Variants in GLI3 observed in about 807,000 individuals in gnomAD.
GLI3 encodes GLI family zinc finger 3.
A neutral mutation model predicts 100.8 loss-of-function variants in GLI3; 20 were observed. That is an observed-to-expected ratio of 0.20 (90% CI 0.14 to 0.29). The LOEUF is 0.29. Ranked by LOEUF, GLI3 falls within the 10% of genes least tolerant of loss-of-function variation. The pLI is 1.00. For missense variants in GLI3, 2,040 were observed against 2,128.5 expected (o/e 0.96, Z 0.82); for synonymous variants, 938 against 860.5 (o/e 1.09, Z -1.58).
intron 10 of GLI3, among the ~76,000 whole-genome samples, chr7:42,000,131 A>T (rs1788245188): frequency 6.6e-6 from 1 of 152,208 alleles, no homozygotes; most frequent in Admixed American, 6.5e-5. Flanking sequence ...GGAACTTTCT[A>T]TCTTAGAAGG....
chr7:42,104,795 C>T (rs892130589), intron 3 of GLI3, among the ~76,000 whole-genome samples: 4 of 152,000 alleles, frequency 2.6e-5, no homozygotes, highest in Non-Finnish European at 4.4e-5. Context: ...TAAAGAGGCC[C>T]CAGAGAACCT....
At chr7:41,984,573 C>T (rs1453292772) in intron 10 of GLI3, among the ~76,000 whole-genome samples, 3 of 152,226 alleles carry the variant, frequency 2.0e-5, no homozygotes, top group South Asian at 2.1e-4. Flanking sequence ...CATAGATACA[C>T]ACCTGGCTGC....
rs377186629 is a variant in GLI3 at position 41,964,555 on chromosome 7, G to A, written c.4518C>T (p.Phe1506=). The change falls in exon 15 of 15, where the codon TTC becomes TTT. Residue 1506 remains phenylalanine, a synonymous_variant. Coordinates refer to ENST00000395925, the MANE Select transcript of GLI3 (RefSeq NM_000168.6). ...GGTCCCCATCGTCTATGATGGCATCGAAGTCAATCTGTACCCCTTCCAGGT... is the reference window on the plus strand; with the variant it reads ...GGTCCCCATCGTCTATGATGGCATCAAAGTCAATCTGTACCCCTTCCAGGT... ...SHDLEGVQID[F]DAIIDDGDHS... 3.7e-6 allele frequency: 6 copies of A among 1,613,700 alleles called. No homozygotes were observed. The highest frequency in any genetic ancestry group is 2.2e-5 in the East Asian group (1 of 44,882).
At chr7:42,038,582 T>A (rs767369444) in intron 7 of GLI3, among the ~76,000 whole-genome samples, 1 of 152,204 alleles carries the variant, frequency 6.6e-6, no homozygotes, top group Non-Finnish European at 1.5e-5. Flanking sequence ...ATCTGGAAAG[T>A]GCCCCAGGAC....
intron 2 of GLI3, among the ~76,000 whole-genome samples, chr7:42,157,466 A>G (rs935946406): frequency 1.3e-5 from 2 of 152,176 alleles, no homozygotes; most frequent in African/African-American, 4.8e-5. Context: ...CTCCTTCCTC[A>G]CACCACAGCC....
chr7:42,031,020 T>C (rs1789279458), intron 7 of GLI3, among the ~76,000 whole-genome samples: 2 of 133,352 alleles, frequency 1.5e-5, no homozygotes, highest in African/African-American at 6.0e-5. Context: ...CACCCAGGCA[T>C]AGTTGAAATT....
In GLI3 at chr7:41,968,754, AAGAAAGAAGGAAAG is replaced by A. The variant is rs1562662071; in HGVS notation, c.2104-845_2104-832del. On this transcript the variant is annotated intron_variant, in intron 13 of 14. Transcript: ENST00000395925. The stretch of plus-strand genomic sequence containing the variant: ...AAAGAAAGAAAGAAAGAAAGAAAGA[AAGAAAGAAGGAAAG>A]AAAGAAAGAAAGAAAGAAAGAAAGA... Among the ~76,000 whole-genome samples, 796 of 130,660 alleles carry A rather than the reference AAGAAAGAAGGAAAG, an allele frequency of 6.1e-3. 11 individuals are homozygous for A. Among genetic ancestry groups the A allele is most frequent in the African/African-American group, 0.023 (736 of 31,588 alleles). The allele number at this position is 130,660 out of a possible 152,430, so 85.7% of individuals were successfully genotyped here. A position where few individuals can be genotyped will look rare whatever the true frequency, so the allele number is the denominator to read the frequency against.
intron 3 of GLI3, among the ~76,000 whole-genome samples, chr7:42,114,283 G>C (rs1427822084): frequency 6.6e-6 from 1 of 152,092 alleles, no homozygotes; most frequent in African/African-American, 2.4e-5. Flanking sequence ...AGACTTATTG[G>C]GTTTTATCTT....
At chr7:42,134,802 G>A (rs1786386512) in intron 3 of GLI3, among the ~76,000 whole-genome samples, 2 of 152,048 alleles carry the variant, frequency 1.3e-5, no homozygotes, top group Non-Finnish European at 2.9e-5. Flanking sequence ...TAAAATTCAG[G>A]GGAGCATTTC....
intron 10 of GLI3, among the ~76,000 whole-genome samples, chr7:42,009,259 T>C (rs1308648779): frequency 6.6e-6 from 1 of 152,182 alleles, no homozygotes. Context: ...TGAAAGAAAA[T>C]ATCAGCCCGG....
intron 3 of GLI3, among the ~76,000 whole-genome samples, chr7:42,077,110 C>T (rs1459341965): frequency 6.6e-6 from 1 of 152,086 alleles, no homozygotes; most frequent in Non-Finnish European, 1.5e-5. Context: ...GACACGAAAG[C>T]AAGAAAGAGA....
chr7:41,980,971 G>A (rs144014681), intron 10 of GLI3, among the ~76,000 whole-genome samples: 69 of 152,328 alleles, frequency 4.5e-4, no homozygotes, highest in Middle Eastern at 3.4e-3. Context: ...ATAAAAACAT[G>A]TAATGGGATC....
At chr7:42,066,817 G>A (rs7799496) in intron 4 of GLI3, among the ~76,000 whole-genome samples, 2 of 152,066 alleles carry the variant, frequency 1.3e-5, no homozygotes, top group Non-Finnish European at 2.9e-5. Flanking sequence ...CAATGACTAC[G>A]TGTATCACTG....
At chr7:42,043,167 G>A (rs1784178505) in intron 6 of GLI3, among the ~76,000 whole-genome samples, 1 of 152,132 alleles carries the variant, frequency 6.6e-6, no homozygotes, top group Non-Finnish European at 1.5e-5. Flanking sequence ...AAAAATTTAG[G>A]ATTAATGTTT....
In GLI3 at chr7:42,112,620, T is replaced by G. The variant is rs866683654; in HGVS notation, c.367+35606A>C. Among the ~76,000 whole-genome samples, 5 of 152,074 alleles carry G rather than the reference T, an allele frequency of 3.3e-5. 1 individual carries two copies. The highest frequency in any genetic ancestry group is 4.8e-5 in the African/African-American group (2 of 41,376). ...ATATGCCCATTATTTCCCATAACAA[T>G]TAACATTAAAATTTTTTAAATTAAA... On this transcript the variant is annotated intron_variant, in intron 3 of 14. Transcript: ENST00000395925.
intron 4 of GLI3, among the ~76,000 whole-genome samples, chr7:42,055,994 C>A (rs1482297897): frequency 6.6e-6 from 1 of 152,086 alleles, no homozygotes; most frequent in Non-Finnish European, 1.5e-5. Context: ...GAATGGGTCT[C>A]ATGAGATCTG....
chr7:42,013,061 T>G (rs1256373676), intron 10 of GLI3, among the ~76,000 whole-genome samples: 1 of 152,234 alleles, frequency 6.6e-6, no homozygotes, highest in Non-Finnish European at 1.5e-5. Context: ...GAGACATGGT[T>G]GACCGGAGAG....
At chr7:42,132,074 A>ATTATTTATTTATTTATTTATTTAT (rs57779364) in intron 3 of GLI3, among the ~76,000 whole-genome samples, 1 of 150,978 alleles carries the variant, frequency 6.6e-6, no homozygotes, top group Admixed American at 6.6e-5. Flanking sequence ...TCAGGACTTC[A>ATTATTTATTTATTTATTTATTTAT]TTATTTATTT....
chr7:42,010,501 T>C (rs185714209), intron 10 of GLI3, among the ~76,000 whole-genome samples: 122 of 152,324 alleles, frequency 8.0e-4, no homozygotes, highest in African/African-American at 2.8e-3. Context: ...TATTCAGTTA[T>C]AGATGAGCAT....
Sources: allele counts gnomAD v4.1 joint callset (sites outside exome capture counted in the v4.1 genomes callset), GRCh38; gene constraint gnomAD v4.1.1; transcripts MANE v1.5; gene names NCBI Gene and HGNC (gene_info 2026-07-23, HGNC 2026-07-21).